Variants in ZNF276 observed in about 807,000 individuals in gnomAD.
ZNF276 encodes zinc finger protein 276, also known as centromere protein Z.
Under a neutral mutation model 63.9 loss-of-function variants are expected in ZNF276, and 59 were observed. The observed-to-expected ratio is 0.92, with a 90% CI of 0.75 to 1.15. The LOEUF (loss-of-function observed/expected upper bound fraction) is 1.15. Among genes scored for constraint, ZNF276 ranks in the 50% most tolerant of loss-of-function variants. The probability of loss-of-function intolerance (pLI) is 0.00; values close to 1 mark genes in which losing one functional copy is unlikely to be tolerated. For missense variants in ZNF276, 1,084 were observed against 843.8 expected (o/e 1.28, Z -3.53); for synonymous variants, 496 against 348.4 (o/e 1.42, Z -4.72).
chr16:89,740,581 A>G lies in ZNF276; in HGVS notation c.*2335A>G. The G allele has an allele frequency of 1.8e-6, 1 of 563,734 alleles. No individual in the cohort carries two copies. The highest frequency in any genetic ancestry group is 3.2e-6 in the Non-Finnish European group (1 of 316,244). The allele number at this position is 563,734 out of a possible 1,614,324, so 34.9% of individuals were successfully genotyped here. A position where few individuals can be genotyped will look rare whatever the true frequency, so the allele number is the denominator to read the frequency against. The stretch of plus-strand genomic sequence containing the variant: ...AACCCAGGAGGCTGAGGTTGCAGTG[A>G]GCTGAGATCACACCACTGCACTCCA... On this transcript the variant is annotated 3_prime_UTR_variant, in exon 11 of 11. Transcript: ENST00000443381.
Position 89,739,041 on chromosome 16 carries a change from T to A in ZNF276, c.*795T>A, listed in dbSNP as rs1340283229. The A allele has an allele frequency of 7.4e-6, 12 of 1,613,780 alleles. No individual in the cohort carries two copies. The highest frequency in any genetic ancestry group is 1.3e-5 in the African/African-American group (1 of 74,938). Reference sequence around the variant, plus strand: ...AGAAACAGGGCTGGTGTGTCCCCCATAGTCTGCATGCTGTGCCGGAACATT... The same window carrying A: ...AGAAACAGGGCTGGTGTGTCCCCCAAAGTCTGCATGCTGTGCCGGAACATT... On this transcript the variant is annotated 3_prime_UTR_variant, in exon 11 of 11. Transcript: ENST00000443381.
At chr16:89,720,736 C>A (rs2061240280), upstream of ZNF276, 2 of 1,427,126 alleles carry the variant, frequency 1.4e-6, no homozygotes, top group Non-Finnish European at 1.8e-6. Context: ...CCCTCAGCGG[C>A]CAAGCCCCGC....
rs2062009705 is a variant in ZNF276 at position 89,738,116 on chromosome 16, A to C, written c.1715A>C (p.His572Pro). ...GAGAAGGCCCACAACCTCAATGTAC[A>C]CATGTCCATGGTGCACCCGCTGACA... Reference protein sequence around the residue: ...RFEKAHNLNVHMSMVHPLTQT... With the variant: ...RFEKAHNLNVPMSMVHPLTQT... The change falls in exon 11 of 11, where the codon CAC becomes CCC. Residue 572 changes from histidine (H) to proline (P), a missense_variant. By Grantham distance (77) the His-to-Pro change is moderately conservative. Coordinates refer to ENST00000443381, the MANE Select transcript of ZNF276 (RefSeq NM_001113525.2). The C allele has an allele frequency of 1.2e-6, 2 of 1,613,844 alleles. No homozygotes were observed. Among genetic ancestry groups the C allele is most frequent in the African/African-American group, 1.3e-5 (1 of 75,032 alleles).
intron 9 of ZNF276, among the ~76,000 whole-genome samples, chr16:89,737,332 C>G (rs1381462642): frequency 1.3e-5 from 2 of 152,064 alleles, no homozygotes; most frequent in Non-Finnish European, 2.9e-5. Context: ...CCAGCCTGGC[C>G]AATATGGTGT....
intron 4 of ZNF276, 89 bp from the exon 5 acceptor site, chr16:89,727,190 A>C: frequency 7.5e-7 from 1 of 1,332,072 alleles, no homozygotes; most frequent in Non-Finnish European, 1.1e-6. Context: ...TCTCCCTTCT[A>C]GTCATCAATA....
At chr16:89,721,490 G>A (rs1442881171), upstream of ZNF276, 17 of 757,322 alleles carry the variant, frequency 2.2e-5, no homozygotes, top group Non-Finnish European at 3.1e-5. Flanking sequence ...CCTGGCCCCT[G>A]GCCCGCCCCG....
rs1229620800 is a variant in ZNF276 at position 89,732,918 on chromosome 16, A to G, written c.1170-384A>G. 8.6e-4 allele frequency: 157 copies of G among 183,030 alleles called. 1 individual carries two copies. The highest frequency in any genetic ancestry group is 6.1e-3 in the African/African-American group (149 of 24,442). 11.3% of individuals were successfully genotyped at this position (183,030 alleles called of 1,614,324 possible). A position where few individuals can be genotyped will look rare whatever the true frequency, so the allele number is the denominator to read the frequency against. ...TGCGCCCTCGCCCTCTGCTGTGTTC[A>G]CCCCGACCCTGCTGTACCCTGCGCC... On this transcript the variant is annotated intron_variant, in intron 6 of 10. Coordinates refer to ENST00000443381, the MANE Select transcript of ZNF276 (RefSeq NM_001113525.2).
rs1333948565 is a variant in ZNF276 at position 89,721,744 on chromosome 16, C to T, written c.104C>T (p.Ser35Phe). ...GTCAGCCGGACTCGGGGCCGCCCTT[C>T]CCTTAGCGGTGGGCCGAGGGTGGAC... ...GGVSRTRGRPSLSGGPRVDGA... is the reference protein window; with the variant it reads ...GGVSRTRGRPFLSGGPRVDGA... The change falls in exon 1 of 11, where the codon TCC becomes TTC. Residue 35 changes from serine (S) to phenylalanine (F), a missense_variant. Coordinates refer to ENST00000443381, the MANE Select transcript of ZNF276 (RefSeq NM_001113525.2). 1 of 1,323,290 alleles carries T rather than the reference C, an allele frequency of 7.6e-7. No individual in the cohort carries two copies. Among genetic ancestry groups the T allele is most frequent in the Non-Finnish European group, 9.6e-7 (1 of 1,039,038 alleles). The allele number at this position is 1,323,290 out of a possible 1,614,324, so 82.0% of individuals were successfully genotyped here. A position where few individuals can be genotyped will look rare whatever the true frequency, so the allele number is the denominator to read the frequency against.
chr16:89,729,760 T>C lies in ZNF276; in HGVS notation c.1169+442T>C, dbSNP rs537169601. Among the ~76,000 whole-genome samples, 3 of 152,326 alleles carry C rather than the reference T, an allele frequency of 2.0e-5. No homozygotes were observed. In the East Asian group the frequency reaches 5.8e-4, roughly 29 times the overall value. The stretch of plus-strand genomic sequence containing the variant: ...CCCAGCTCTGTCATCCTCCCAGTTC[T>C]GACCCCATCACTGATGTCCATGGCC... On this transcript the variant is annotated intron_variant, in intron 6 of 10. Coordinates refer to ENST00000443381, the MANE Select transcript of ZNF276 (RefSeq NM_001113525.2).
intron 9 of ZNF276, among the ~76,000 whole-genome samples, chr16:89,736,361 G>A (rs537618640): frequency 3.9e-4 from 57 of 144,760 alleles, no homozygotes; most frequent in African/African-American, 1.5e-3. Flanking sequence ...GACAGTCTGT[G>A]TCGCCCAGCC....
intron 6 of ZNF276, among the ~76,000 whole-genome samples, chr16:89,730,384 G>C (rs1451212000): frequency 2.0e-5 from 3 of 152,196 alleles, no homozygotes; most frequent in Non-Finnish European, 4.4e-5. Context: ...CTGAGAATGT[G>C]TCTCTGGCTT....
chr16:89,722,507 AAC>A, intron 1 of ZNF276, 22 bp from the exon 2 acceptor site: 1 of 1,589,882 alleles, frequency 6.3e-7, no homozygotes, highest in African/African-American at 1.3e-5. Context: ...GCCAGCTGCT[AAC>A]ACTTCCTGCC....
chr16:89,730,062 G>C (rs2061595245), intron 6 of ZNF276, among the ~76,000 whole-genome samples: 1 of 152,178 alleles, frequency 6.6e-6, no homozygotes, highest in African/African-American at 2.4e-5. Context: ...TCAGCCACTA[G>C]AACCCTGCTG....
In ZNF276 at chr16:89,738,253, C is replaced by G; in HGVS notation, c.*7C>G. On this transcript the variant is annotated 3_prime_UTR_variant, in exon 11 of 11. Coordinates refer to ENST00000443381, the MANE Select transcript of ZNF276 (RefSeq NM_001113525.2). ...GAAGCCCGAACCCACCTGAGGACGG[C>G]AGTGAGGATGAGCACCTCTAGCAGC... 2 of 1,592,166 alleles carry G rather than the reference C, an allele frequency of 1.3e-6. No individual in the cohort carries two copies. The highest frequency in any genetic ancestry group is 1.7e-6 in the Non-Finnish European group (2 of 1,170,218).
Position 89,729,270 on chromosome 16 carries a change from A to G in ZNF276, c.1121A>G (p.Gln374Arg), listed in dbSNP as rs1287903188. 1.2e-6 allele frequency: 2 copies of G among 1,614,160 alleles called. No individual in the cohort carries two copies. Among genetic ancestry groups the G allele is most frequent in the Admixed American group, 3.3e-5 (2 of 60,030 alleles). Residue 374 changes from glutamine (Q) to arginine (R), a missense_variant, in exon 6 of 11, where the codon CAA becomes CGA. Coordinates refer to ENST00000443381, the MANE Select transcript of ZNF276 (RefSeq NM_001113525.2). ...VLSEDENDKK[Q>R]NAQSSDESFE... ...AGTGAAGATGAAAATGACAAGAAGC[A>G]AAATGCCCAGTCTTCGGACGAGTCC...
intron 2 of ZNF276, 25 bp downstream of exon 2, chr16:89,722,859 C>G (rs749476381): frequency 1.9e-6 from 3 of 1,591,142 alleles, no homozygotes; most frequent in Non-Finnish European, 2.6e-6. Context: ...GTTCAGAGCA[C>G]GTTCAGGCTG....
rs2151711931 is a variant in ZNF276, at chr16:89,739,240, G to A, written c.*994G>A. 1.9e-6 allele frequency: 3 copies of A among 1,614,188 alleles called. No individual in the cohort carries two copies. The Admixed American group carries it at 5.0e-5, about 27-fold the overall frequency. On this transcript the variant is annotated 3_prime_UTR_variant, in exon 11 of 11. Coordinates refer to ENST00000443381, the MANE Select transcript of ZNF276 (RefSeq NM_001113525.2). The stretch of plus-strand genomic sequence containing the variant: ...AAGTACATGTCCACAGCAACATGCA[G>A]GAAGGCCTCTTCCCTGATGGCCGCG...
rs192188499 is a variant in ZNF276 at position 89,740,092 on chromosome 16, G to C, written c.*1846G>C. The C allele has an allele frequency of 1.9e-6, 3 of 1,614,022 alleles. No homozygotes were observed. In the African/African-American group the frequency reaches 4.0e-5, roughly 22 times the overall value. Reference sequence around the variant, plus strand: ...AACGTGGAAAGCCTTTGGCAGGTCTGTGGTGCTCTGTAAACCGCAGGAGAC... The same window carrying C: ...AACGTGGAAAGCCTTTGGCAGGTCTCTGGTGCTCTGTAAACCGCAGGAGAC... On this transcript the variant is annotated 3_prime_UTR_variant, in exon 11 of 11. Coordinates refer to ENST00000443381, the MANE Select transcript of ZNF276 (RefSeq NM_001113525.2).
chr16:89,720,626 G>C, upstream of ZNF276: 1 of 1,226,032 alleles, frequency 8.2e-7, no homozygotes, highest in Non-Finnish European at 1.0e-6. Context: ...CCTCGCCCGG[G>C]AACCGCGGCC....
Sources: allele counts gnomAD v4.1 joint callset (sites outside exome capture counted in the v4.1 genomes callset), GRCh38; gene constraint gnomAD v4.1.1; transcripts MANE v1.5; gene names NCBI Gene and HGNC (gene_info 2026-07-23, HGNC 2026-07-21).